The following FER variants were observed in gnomAD, a reference collection of about 807,000 sequenced individuals.
The protein encoded by FER is FER tyrosine kinase, also known as tyrosine-protein kinase Fer.
A neutral mutation model predicts 111.0 loss-of-function variants in FER; 63 were observed. The ratio of observed to expected loss-of-function variants is 0.57; its 90% CI spans 0.46 to 0.70. The LOEUF (loss-of-function observed/expected upper bound fraction) is 0.70. Among genes scored for constraint, FER ranks in the 30% least tolerant of loss-of-function variants. The probability of loss-of-function intolerance (pLI) is 0.00; values close to 1 mark genes in which losing one functional copy is unlikely to be tolerated. For missense variants in FER, 914 were observed against 954.0 expected (o/e 0.96, Z 0.55); for synonymous variants, 327 against 313.9 (o/e 1.04, Z -0.44).
At chr5:108,875,556 T>C (rs998352123) in intron 8 of FER, among the ~76,000 whole-genome samples, 2 of 152,156 alleles carry the variant, frequency 1.3e-5, no homozygotes, top group Non-Finnish European at 2.9e-5. Flanking sequence ...ATTTTAGTTT[T>C]TCAAATTAGT....
intron 13 of FER, among the ~76,000 whole-genome samples, chr5:109,008,532 T>G (rs1331126662): frequency 1.3e-5 from 2 of 152,208 alleles, no homozygotes; most frequent in Non-Finnish European, 2.9e-5. Flanking sequence ...CACCCAGGTC[T>G]TTGATTCTTC....
At chr5:108,759,131 G>C (rs1339318510) in intron 1 of FER, among the ~76,000 whole-genome samples, 1 of 152,106 alleles carries the variant, frequency 6.6e-6, no homozygotes, top group Non-Finnish European at 1.5e-5. Flanking sequence ...TTGTAGTAAG[G>C]CCAGTTTTCA....
rs1204045494 is a variant in FER, at chr5:108,791,885, C to T, written c.-59-6239C>T. On this transcript the variant is annotated intron_variant, in intron 2 of 19. Transcript: ENST00000281092. ...GCGGTCCAAGGAAGGCATCCTGCTT[C>T]ATTGTTTTGCATGTGGAAATCCAGT... Among the ~76,000 whole-genome samples the T allele has an allele frequency of 2.0e-5, 3 of 152,194 alleles. No individual in the cohort carries two copies. The South Asian group carries it at 6.2e-4, about 31-fold the overall frequency.
intron 11 of FER, among the ~76,000 whole-genome samples, chr5:108,946,804 G>GTTC (rs10633136): frequency 0.95 from 144,627 of 151,874 alleles, 68,966 homozygotes; most frequent in Middle Eastern, 0.99. Flanking sequence ...TAAAGCATTA[G>GTTC]TTCTATTTAC....
intron 13 of FER, among the ~76,000 whole-genome samples, chr5:108,995,933 T>G (rs540035702): frequency 3.3e-4 from 50 of 152,278 alleles, no homozygotes; most frequent in African/African-American, 1.0e-3. Flanking sequence ...ATCTGTTGTT[T>G]CCTGACTTCT....
intron 17 of FER, among the ~76,000 whole-genome samples, chr5:109,166,393 G>C (rs1206468650): frequency 6.6e-6 from 1 of 152,104 alleles, no homozygotes; most frequent in Non-Finnish European, 1.5e-5. Context: ...TCTATCAGGT[G>C]TGAATGAGAA....
chr5:109,089,936 C>T (rs1581980435), intron 16 of FER, among the ~76,000 whole-genome samples: 3 of 152,306 alleles, frequency 2.0e-5, no homozygotes, highest in African/African-American at 7.2e-5. Context: ...AAAGGACCTA[C>T]TGTGCTGCTG....
At chr5:109,082,319 C>G (rs1445516719) in intron 16 of FER, among the ~76,000 whole-genome samples, 2 of 151,962 alleles carry the variant, frequency 1.3e-5, no homozygotes, top group African/African-American at 4.8e-5. Flanking sequence ...TGTGGAAGAT[C>G]TGTTCCTCAC....
intron 16 of FER, among the ~76,000 whole-genome samples, chr5:109,097,691 G>A (rs143315260): frequency 4.0e-3 from 605 of 151,896 alleles, no homozygotes; most frequent in Admixed American, 5.9e-3. Flanking sequence ...GGTGATAATC[G>A]AGTATTGTGG....
intron 5 of FER, among the ~76,000 whole-genome samples, chr5:108,845,204 C>T (rs1361647949): frequency 1.3e-5 from 2 of 150,570 alleles, no homozygotes; most frequent in Non-Finnish European, 3.0e-5. Flanking sequence ...TGGTGTCTTG[C>T]TCTGTCGCCC....
chr5:108,865,033 T>C (rs1192157814), intron 5 of FER, among the ~76,000 whole-genome samples: 2 of 150,012 alleles, frequency 1.3e-5, no homozygotes, highest in Admixed American at 6.6e-5. Context: ...TTTTATTTCA[T>C]TGAGCAGTGG....
At chr5:108,908,868 G>GT (rs2150353819) in intron 10 of FER, among the ~76,000 whole-genome samples, 1 of 152,204 alleles carries the variant, frequency 6.6e-6, no homozygotes, top group African/African-American at 2.4e-5. Flanking sequence ...GAGAAACCCT[G>GT]TATCTACAAA....
At chr5:109,085,327 T>A (rs1006993438) in intron 16 of FER, among the ~76,000 whole-genome samples, 1 of 151,730 alleles carries the variant, frequency 6.6e-6, no homozygotes, top group African/African-American at 2.4e-5. Context: ...TTTGTGGTTA[T>A]AAAGGATGTT....
chr5:108,953,604 C>A (rs1302528114), intron 11 of FER, among the ~76,000 whole-genome samples: 1 of 151,934 alleles, frequency 6.6e-6, no homozygotes, highest in Non-Finnish European at 1.5e-5. Context: ...TGGGTCTCCT[C>A]AGTGGTACGA....
At chr5:108,951,324 G>T (rs533113780) in intron 11 of FER, among the ~76,000 whole-genome samples, 12 of 152,022 alleles carry the variant, frequency 7.9e-5, no homozygotes, top group Non-Finnish European at 1.8e-4. Flanking sequence ...GTCCAGGCTG[G>T]TCTTGAACTC....
chr5:108,869,263 G>T (rs1452442526), intron 6 of FER, among the ~76,000 whole-genome samples: 3 of 152,060 alleles, frequency 2.0e-5, no homozygotes, highest in African/African-American at 7.2e-5. Context: ...TATATCCAGG[G>T]TATATCTATG....
chr5:109,029,629 C>A (rs1769314785), intron 13 of FER, among the ~76,000 whole-genome samples: 2 of 151,934 alleles, frequency 1.3e-5, no homozygotes, highest in South Asian at 2.1e-4. Context: ...CAGTTATTTT[C>A]TTTCAACACT....
At chr5:109,088,104 G>C (rs1460319393) in intron 16 of FER, among the ~76,000 whole-genome samples, 1 of 151,888 alleles carries the variant, frequency 6.6e-6, no homozygotes, top group Non-Finnish European at 1.5e-5. Flanking sequence ...ATACACACAG[G>C]AGTATTTGCA....
At chr5:109,010,815 T>C (rs1447925675) in intron 13 of FER, among the ~76,000 whole-genome samples, 2 of 152,220 alleles carry the variant, frequency 1.3e-5, no homozygotes, top group Non-Finnish European at 2.9e-5. Flanking sequence ...AGGTTTCCAT[T>C]ATTCTTTGTA....
Sources: gnomAD v4.1 joint callset for allele counts (sites outside exome capture counted in the v4.1 genomes callset) on GRCh38, gnomAD v4.1.1 for gene constraint, MANE v1.5 for transcripts, NCBI Gene and HGNC (gene_info 2026-07-23, HGNC 2026-07-21) for gene names.